The following ESR2 variants were observed in gnomAD, a reference collection of about 807,000 sequenced individuals.
ESR2 encodes the protein estrogen receptor 2.
Under a neutral mutation model 49.6 loss-of-function variants are expected in ESR2, and 36 were observed. That is an observed-to-expected ratio of 0.73 (90% CI 0.56 to 0.96). The LOEUF (loss-of-function observed/expected upper bound fraction) is 0.96, where lower values mean the gene tolerates loss of function less well. Among genes scored for constraint, ESR2 ranks in the 40% least tolerant of loss-of-function variants. The pLI is 0.00. For missense variants in ESR2, 714 were observed against 693.0 expected, an observed-to-expected ratio of 1.03 and a Z score of -0.34; for synonymous variants, 320 against 266.1, an observed-to-expected ratio of 1.20 and a Z score of -1.97.
chr14:64,309,448 C>G (rs151132257), intron 1 of ESR2, among the ~76,000 whole-genome samples: 5 of 150,994 alleles, frequency 3.3e-5, no homozygotes, highest in Admixed American at 3.3e-4. Flanking sequence ...CCTATCTCTA[C>G]TAAAAATACA....
chr14:64,320,497 A>G (rs1261890078), intron 1 of ESR2, among the ~76,000 whole-genome samples: 5 of 152,222 alleles, frequency 3.3e-5, no homozygotes, highest in African/African-American at 1.2e-4. Flanking sequence ...ACCATTCTGT[A>G]TGATGATGTA....
At chr14:64,296,238 C>T, upstream of ESR2, among the ~76,000 whole-genome samples, 1 of 152,114 alleles carries the variant, frequency 6.6e-6, no homozygotes, top group East Asian at 1.9e-4. Flanking sequence ...ACCTGCACAG[C>T]ATCTCATTTA....
chr14:64,328,877 T>C (rs751610025), intron 1 of ESR2, among the ~76,000 whole-genome samples: 43 of 152,226 alleles, frequency 2.8e-4, no homozygotes, highest in Admixed American at 9.8e-4. Context: ...AGACTCTTTG[T>C]ATTTCAAAGA....
chr14:64,227,647 C>T (rs371072055), downstream of ESR2: 11 of 1,613,010 alleles, frequency 6.8e-6, no homozygotes, highest in African/African-American at 1.3e-4. Context: ...GTCAAAGTTG[C>T]AGTGAAAGGA....
At chr14:64,316,010 TTTTAC>T (rs896215997) in intron 1 of ESR2, among the ~76,000 whole-genome samples, 1 of 151,846 alleles carries the variant, frequency 6.6e-6, no homozygotes, top group Admixed American at 6.6e-5. Context: ...TATAATTTAT[TTTTAC>T]TTTTTTATTT....
intron 1 of ESR2, among the ~76,000 whole-genome samples, chr14:64,332,539 G>A (rs1453285920): frequency 2.0e-5 from 3 of 152,006 alleles, no homozygotes; most frequent in African/African-American, 7.2e-5. Context: ...GGTGGCTCAC[G>A]CCTGTAATCC....
rs61144058 is a variant in ESR2, at chr14:64,231,547, T to C, written c.*1590A>G. 10 of 152,220 alleles carry C rather than the reference T, an allele frequency of 6.6e-5. No homozygotes were observed. Among genetic ancestry groups the C allele is most frequent in the African/African-American group, 2.2e-4 (9 of 41,460 alleles). The allele number at this position is 152,220 out of a possible 1,614,324, so 9.4% of individuals were successfully genotyped here. A position where few individuals can be genotyped will look rare whatever the true frequency, so the allele number is the denominator to read the frequency against. On this transcript the variant is annotated 3_prime_UTR_variant, in exon 9 of 9. Coordinates refer to ENST00000341099, the MANE Select transcript of ESR2 (RefSeq NM_001437.3). ...TGAAACAGCTAAGCTCAACTTATAG[T>C]AAAATTGCACCAATATCAAAATTAT...
chr14:64,294,178 G>C lies in ESR2; in HGVS notation c.-236C>G, dbSNP rs113832870. On this transcript the variant is annotated 5_prime_UTR_variant, in exon 1 of 9. Transcript: ENST00000341099. Reference sequence around the variant, plus strand: ...CCTGCAGCTCAGGCTCCGGGCGCCAGCCCTGCCCCGCAGCCCCAGAGCCCG... The same window carrying C: ...CCTGCAGCTCAGGCTCCGGGCGCCACCCCTGCCCCGCAGCCCCAGAGCCCG... The C allele has an allele frequency of 6.6e-6, 1 of 152,334 alleles. No homozygotes were observed. The highest frequency in any genetic ancestry group is 6.5e-5 in the Admixed American group (1 of 15,290). 9.4% of individuals were successfully genotyped at this position (152,334 alleles called of 1,614,324 possible).
intron 3 of ESR2, among the ~76,000 whole-genome samples, chr14:64,271,149 A>G (rs975571670): frequency 1.3e-5 from 2 of 151,390 alleles, no homozygotes; most frequent in African/African-American, 4.9e-5. Flanking sequence ...TCTGTTGCCC[A>G]GGCTGGAGTT....
At chr14:64,304,060 C>G (rs573189637) in intron 1 of ESR2, among the ~76,000 whole-genome samples, 3 of 152,340 alleles carry the variant, frequency 2.0e-5, no homozygotes, top group Admixed American at 6.5e-5. Flanking sequence ...CGCCTGTAAT[C>G]CCAGCACTTT....
At chr14:64,235,719 C>T (rs756706877) in intron 7 of ESR2, among the ~76,000 whole-genome samples, 13 of 152,276 alleles carry the variant, frequency 8.5e-5, no homozygotes, top group Non-Finnish European at 1.5e-4. Flanking sequence ...TCAGACAGAC[C>T]TACTTTCTAG....
exon 1 of ESR2, chr14:64,337,968 CTCAG>C (rs1747727367): frequency 6.5e-6 from 1 of 152,926 alleles, no homozygotes; most frequent in African/African-American, 2.4e-5. Context: ...ATTCATCGGA[CTCAG>C]TAACTCAAGG....
intron 1 of ESR2, among the ~76,000 whole-genome samples, chr14:64,315,051 C>G (rs192050870): frequency 1.3e-5 from 2 of 150,668 alleles, no homozygotes; most frequent in East Asian, 3.9e-4. Context: ...TCAAGACCAG[C>G]CTGGCAACAT....
Position 64,261,531 on chromosome 14 carries a change from C to T in ESR2, c.653-783G>A, listed in dbSNP as rs1359045317. On this transcript the variant is annotated intron_variant, in intron 4 of 8. Transcript: ENST00000341099. The stretch of plus-strand genomic sequence containing the variant: ...CTCCCGGGTTCAAGCGATTCTCCTG[C>T]CTTAGCCTCCCAAGTAGCTGGGATT... 4.6e-5 allele frequency among the ~76,000 whole-genome samples: 7 copies of T among 152,286 alleles called. 1 individual carries two copies. The highest frequency in any genetic ancestry group is 4.6e-4 in the Admixed American group (7 of 15,294).
intron 1 of ESR2, 57 bp downstream of exon 1, chr14:64,293,976 C>T (rs2076914080): frequency 6.6e-6 from 1 of 152,216 alleles, no homozygotes; most frequent in Non-Finnish European, 1.5e-5. Context: ...TTTCTCACCG[C>T]AGGATTTCAA....
upstream of ESR2, among the ~76,000 whole-genome samples, chr14:64,298,193 A>G (rs1179992518): frequency 6.6e-6 from 1 of 152,224 alleles, no homozygotes; most frequent in Admixed American, 6.5e-5. Flanking sequence ...ATATTTATTG[A>G]GCATTTTTCT....
intron 1 of ESR2, among the ~76,000 whole-genome samples, chr14:64,324,019 T>C (rs1014509277): frequency 6.6e-6 from 1 of 152,312 alleles, no homozygotes; most frequent in Admixed American, 6.5e-5. Context: ...AAATCTGTGG[T>C]TGTTCAATAA....
At chr14:64,300,580 C>T (rs1056638336) in intron 1 of ESR2, among the ~76,000 whole-genome samples, 1 of 151,926 alleles carries the variant, frequency 6.6e-6, no homozygotes, top group African/African-American at 2.4e-5. Context: ...GACAACATGG[C>T]GAAAACCCAT....
intron 1 of ESR2, among the ~76,000 whole-genome samples, chr14:64,286,280 TTAATAA>T (rs2076784216): frequency 6.6e-6 from 1 of 152,156 alleles, no homozygotes; most frequent in South Asian, 2.1e-4. Flanking sequence ...CTATATGTAA[TTAATAA>T]TGAGTATGGA....
Sources: allele counts gnomAD v4.1 joint callset (sites outside exome capture counted in the v4.1 genomes callset), GRCh38; gene constraint gnomAD v4.1.1; transcripts MANE v1.5; gene names NCBI Gene and HGNC (gene_info 2026-07-23, HGNC 2026-07-21).